CATSPERE: variants seen among roughly 807,000 people sequenced by gnomAD.
CATSPERE encodes catsper channel auxiliary subunit epsilon, also known as cation channel sperm-associated auxiliary subunit epsilon.
In CATSPERE, 93 loss-of-function variants were observed where a neutral mutation model predicts 114.1. The ratio of observed to expected loss-of-function variants is 0.81; its 90% confidence interval spans 0.69 to 0.97. CATSPERE has a LOEUF of 0.97. CATSPERE is among the 50% of genes least tolerant of loss of function. CATSPERE has a pLI of 0.00. For missense variants in CATSPERE, 1,058 were observed against 1,131.6 expected, an observed-to-expected ratio of 0.93 and a Z score of 0.93; for synonymous variants, 341 against 384.1, an observed-to-expected ratio of 0.89 and a Z score of 1.31.
At chr1:244,478,336 T>G (rs1237960279) in intron 4 of CATSPERE, among the ~76,000 whole-genome samples, 2 of 152,206 alleles carry the variant, frequency 1.3e-5, no homozygotes, top group Non-Finnish European at 2.9e-5. Flanking sequence ...CAGATTTATT[T>G]TACTCCACTG....
chr1:244,489,322 G>T (rs1230330674), intron 5 of CATSPERE, among the ~76,000 whole-genome samples: 1 of 151,884 alleles, frequency 6.6e-6, no homozygotes, highest in East Asian at 1.9e-4. Context: ...ACAAATTTCT[G>T]TTTGACATAA....
Position 244,572,358 on chromosome 1 carries a change from G to A in CATSPERE, c.1536G>A (p.Met512Ile). 1 of 1,484,722 alleles carries A rather than the reference G, an allele frequency of 6.7e-7. No homozygotes were observed. The highest frequency in any genetic ancestry group is 1.2e-5 in the South Asian group (1 of 83,492). The allele number at this position is 1,484,722 out of a possible 1,614,324, so 92.0% of individuals were successfully genotyped here. A position where few individuals can be genotyped will look rare whatever the true frequency, so the allele number is the denominator to read the frequency against. ...IDYYGDILVKMENNVIFYSKI... is the reference protein window; with the variant it reads ...IDYYGDILVKIENNVIFYSKI... Reference sequence around the variant, plus strand: ...ATTATGGAGATATTTTGGTAAAAATGGAAAATAATGTAATATTTTATTCCA... The same window carrying A: ...ATTATGGAGATATTTTGGTAAAAATAGAAAATAATGTAATATTTTATTCCA... Residue 512 changes from methionine to isoleucine, a missense_variant, in exon 11 of 22, where the codon ATG becomes ATA. This residue lies in a region of CATSPERE where 787 missense variants were observed against 905.6 expected (regional missense o/e 0.87). Coordinates refer to ENST00000366534, the MANE Select transcript of CATSPERE (RefSeq NM_001130957.2).
upstream of CATSPERE, among the ~76,000 whole-genome samples, chr1:244,460,021 T>C (rs1666524281): frequency 6.6e-6 from 1 of 152,192 alleles, no homozygotes; most frequent in Admixed American, 6.5e-5. Flanking sequence ...AAACCATCTT[T>C]GCAAAATTAT....
intron 9 of CATSPERE, among the ~76,000 whole-genome samples, chr1:244,555,878 T>G (rs1054732548): frequency 6.6e-6 from 1 of 152,060 alleles, no homozygotes; most frequent in Non-Finnish European, 1.5e-5. Flanking sequence ...ATGTGAAAGA[T>G]CTCTGCAAGG....
chr1:244,638,197 C>T (rs1674870106), intron 21 of CATSPERE, among the ~76,000 whole-genome samples: 1 of 152,180 alleles, frequency 6.6e-6, no homozygotes, highest in East Asian at 1.9e-4. Flanking sequence ...TCCCTGTGTC[C>T]AGCCCTCTTT....
At chr1:244,514,482 C>T (rs946283277) in intron 7 of CATSPERE, among the ~76,000 whole-genome samples, 2 of 151,998 alleles carry the variant, frequency 1.3e-5, no homozygotes, top group South Asian at 2.1e-4. Context: ...GTGGTAATTA[C>T]GTGAATCTAC....
At chr1:244,611,862 A>G (rs1233449017) in intron 19 of CATSPERE, among the ~76,000 whole-genome samples, 2 of 152,196 alleles carry the variant, frequency 1.3e-5, no homozygotes, top group African/African-American at 4.8e-5. Flanking sequence ...GCTTGCCTCA[A>G]TTGGTATGAT....
chr1:244,545,170 A>T (rs1659530492), intron 8 of CATSPERE, among the ~76,000 whole-genome samples: 1 of 152,168 alleles, frequency 6.6e-6, no homozygotes, highest in Non-Finnish European at 1.5e-5. Flanking sequence ...ATCCAACTCA[A>T]ATATGGGGCC....
rs563862262 is a variant in CATSPERE at position 244,575,528 on chromosome 1, C to A, written c.1950+2756C>A. The stretch of plus-strand genomic sequence containing the variant: ...GCAGCACAGAAGGCTTGGGGCTCGA[C>A]AGCTGGTGGCCTGGATGGCTCTAGC... On this transcript the variant is annotated intron_variant, in intron 11 of 21. Coordinates refer to ENST00000366534, the MANE Select transcript of CATSPERE (RefSeq NM_001130957.2). The surrounding 1 kb of genome is among the most constrained non-coding windows in gnomAD (Gnocchi z 4.5). Among the ~76,000 whole-genome samples, 3 of 152,328 alleles carry A rather than the reference C, an allele frequency of 2.0e-5. No homozygotes were observed. In the East Asian group the frequency reaches 5.8e-4, roughly 29 times the overall value.
rs376684601 is a variant in CATSPERE at position 244,540,037 on chromosome 1, T to C, written c.537-12285T>C. Reference sequence around the variant, plus strand: ...ATAATAAGAGCTATCTATGACAAACTCACAGCCAATATCATACTGAATGGG... The same window carrying C: ...ATAATAAGAGCTATCTATGACAAACCCACAGCCAATATCATACTGAATGGG... On this transcript the variant is annotated intron_variant, in intron 8 of 21. Transcript: ENST00000366534. 1.6e-3 allele frequency among the ~76,000 whole-genome samples: 240 copies of C among 151,360 alleles called. 5 individuals are homozygous for C. In the East Asian group the frequency reaches 0.03, roughly 19 times the overall value.
Position 244,463,928 on chromosome 1 carries a change from AC to A in CATSPERE, c.87del (p.Tyr30IlefsTer12). 1 of 1,602,406 alleles carries A rather than the reference AC, an allele frequency of 6.2e-7. No individual in the cohort carries two copies. The highest frequency in any genetic ancestry group is 8.5e-7 in the Non-Finnish European group (1 of 1,169,632). On this transcript the variant is annotated frameshift_variant, in exon 2 of 22. Coordinates refer to ENST00000366534, the MANE Select transcript of CATSPERE (RefSeq NM_001130957.2). LOFTEE classifies it high-confidence loss of function. ...CACAGGTATTCCACTAACAGCCCAA[AC>A]TATCGCATTTTTAGTACCAGAAGTA... is the stretch of plus-strand genomic sequence containing the variant. ...ALWRYSTNSP[N>X]YRIFSTRSTI...
chr1:244,580,155 G>A (rs1241581759), intron 11 of CATSPERE, among the ~76,000 whole-genome samples: 16 of 151,296 alleles, frequency 1.1e-4, no homozygotes, highest in Admixed American at 1.1e-3. Context: ...TTGTATCTCA[G>A]CCTCCCGAGT....
chr1:244,563,607 G>T (rs1480057006), intron 10 of CATSPERE, among the ~76,000 whole-genome samples: 2 of 151,774 alleles, frequency 1.3e-5, no homozygotes, highest in Admixed American at 6.6e-5. Flanking sequence ...TTTTGATGGG[G>T]TTATTTTTTC....
chr1:244,497,594 C>G lies in CATSPERE; in HGVS notation c.352-1408C>G, dbSNP rs189722558. Among the ~76,000 whole-genome samples, 62 of 152,108 alleles carry G rather than the reference C, an allele frequency of 4.1e-4. 1 individual carries two copies. Among genetic ancestry groups the G allele is most frequent in the African/African-American group, 1.4e-3 (60 of 41,494 alleles). ...GGCAGATCACCTGAGGTCAGGAGTT[C>G]GAGACCAGCCTGGCCAACATGGCGA... On this transcript the variant is annotated intron_variant, in intron 6 of 21. Transcript: ENST00000366534.
intron 8 of CATSPERE, among the ~76,000 whole-genome samples, chr1:244,549,124 A>G (rs893461415): frequency 3.3e-5 from 5 of 152,308 alleles, no homozygotes; most frequent in Admixed American, 2.6e-4. Context: ...TCCCTTATGC[A>G]TCTCCTAGTA....
At chr1:244,621,297 A>AGATATATCTATAT (rs1213117000) in intron 20 of CATSPERE, among the ~76,000 whole-genome samples, 7 of 118,742 alleles carry the variant, frequency 5.9e-5, no homozygotes, top group African/African-American at 2.6e-4. Flanking sequence ...ATATCTATAT[A>AGATATATCTATAT]AATATATAAA....
At position 244,595,950 on chromosome 1, in the gene CATSPERE, A is replaced by T. The variant is rs550229167; in HGVS notation, c.2303+2372A>T. Among the ~76,000 whole-genome samples the T allele has an allele frequency of 1.8e-3, 268 of 152,016 alleles. 1 individual carries two copies. Among genetic ancestry groups the T allele is most frequent in the African/African-American group, 5.0e-3 (206 of 41,334 alleles). On this transcript the variant is annotated intron_variant, in intron 17 of 21. Coordinates refer to ENST00000366534, the MANE Select transcript of CATSPERE (RefSeq NM_001130957.2). Reference sequence around the variant, plus strand: ...TCCGTCTCAAAAAAGAAAAAAAAAAATTTGCTTTAGCTAGTTCTCTCTGGG... The same window carrying T: ...TCCGTCTCAAAAAAGAAAAAAAAAATTTTGCTTTAGCTAGTTCTCTCTGGG...
chr1:244,636,180 C>T (rs533271159), intron 21 of CATSPERE, among the ~76,000 whole-genome samples: 90 of 152,288 alleles, frequency 5.9e-4, no homozygotes, highest in African/African-American at 2.0e-3. Flanking sequence ...GACTCAGCTC[C>T]AGTTCCCTTG....
intron 18 of CATSPERE, among the ~76,000 whole-genome samples, chr1:244,609,508 A>G (rs1367983504): frequency 6.6e-6 from 1 of 151,938 alleles, no homozygotes; most frequent in Admixed American, 6.6e-5. Context: ...ACGCCACCAC[A>G]CCCAGCTAAT....
Sources: allele counts gnomAD v4.1 joint callset (sites outside exome capture counted in the v4.1 genomes callset), GRCh38; gene constraint gnomAD v4.1.1; regional missense constraint gnomAD v4.1.1; non-coding constraint Gnocchi (gnomAD v3.1); transcripts MANE v1.5; gene names NCBI Gene and HGNC (gene_info 2026-07-23, HGNC 2026-07-21).